Variants in PRKN observed in about 807,000 individuals in gnomAD.
The protein encoded by PRKN is E3 ubiquitin-protein ligase parkin.
A neutral mutation model predicts 59.5 loss-of-function variants in PRKN; 56 were observed. The ratio of observed to expected loss-of-function variants is 0.94; its 90% CI spans 0.76 to 1.18. The LOEUF is 1.18. PRKN is among the 50% of genes most tolerant of loss of function. The probability of loss-of-function intolerance (pLI) is 0.00; values close to 1 mark genes in which losing one functional copy is unlikely to be tolerated. For synonymous variants in PRKN, 250 were observed against 222.1 expected (o/e 1.13, Z -1.12); for missense variants, 657 against 596.4 (o/e 1.10, Z -1.06).
At chr6:161,793,656 A>T (rs560928536) in intron 6 of PRKN, among the ~76,000 whole-genome samples, 92 of 152,164 alleles carry the variant, frequency 6.0e-4, no homozygotes, top group African/African-American at 2.2e-3. Flanking sequence ...AAGCACTACC[A>T]TAAGGATGAA....
rs1203347929 is a variant in PRKN at position 161,872,516 on chromosome 6, C to T, written c.735-86608G>A. 3.9e-5 allele frequency among the ~76,000 whole-genome samples: 6 copies of T among 152,288 alleles called. No individual in the cohort carries two copies. The East Asian group carries it at 1.2e-3, about 29-fold the overall frequency. ...ACCTCATAGCCAGCATCAGGCGCTC[C>T]TGTCCTCAACTCCATGTGGGCCCTG... On this transcript the variant is annotated intron_variant, in intron 6 of 11. Coordinates refer to ENST00000366898, the MANE Select transcript of PRKN (RefSeq NM_004562.3).
intron 7 of PRKN, among the ~76,000 whole-genome samples, chr6:161,677,071 T>C (rs925332672): frequency 6.6e-6 from 1 of 152,176 alleles, no homozygotes; most frequent in African/African-American, 2.4e-5. Flanking sequence ...ACATCAATTC[T>C]TGTGATTTTC....
At chr6:162,346,644 GA>G (rs1426489364) in intron 2 of PRKN, among the ~76,000 whole-genome samples, 5 of 150,154 alleles carry the variant, frequency 3.3e-5, no homozygotes, top group Admixed American at 1.3e-4. Context: ...CCAAAAACAA[GA>G]AAAAAAAAGT....
At chr6:162,069,254 G>T (rs900268948) in intron 4 of PRKN, among the ~76,000 whole-genome samples, 23 of 152,056 alleles carry the variant, frequency 1.5e-4, no homozygotes, top group Admixed American at 5.9e-4. Context: ...TGTATCAGGG[G>T]TTTCCACTTT....
chr6:162,281,502 T>C (rs9365397), intron 2 of PRKN, among the ~76,000 whole-genome samples: 3,456 of 152,258 alleles, frequency 0.023, 55 homozygotes, highest in East Asian at 0.057. Flanking sequence ...CTATCTGTCA[T>C]GAATTCAGCT....
intron 1 of PRKN, among the ~76,000 whole-genome samples, chr6:162,487,975 T>G (rs918519767): frequency 5.3e-5 from 8 of 151,664 alleles, no homozygotes; most frequent in Admixed American, 3.3e-4. Flanking sequence ...AAGAAGAGTT[T>G]TGCCTAGACA....
chr6:162,024,468 A>T (rs1357161181), intron 5 of PRKN, among the ~76,000 whole-genome samples: 4 of 152,202 alleles, frequency 2.6e-5, no homozygotes, highest in African/African-American at 4.8e-5. Flanking sequence ...AAGTGCTGGG[A>T]TTATAGGCGT....
intron 6 of PRKN, among the ~76,000 whole-genome samples, chr6:161,820,293 C>T (rs570372194): frequency 2.0e-5 from 3 of 151,900 alleles, no homozygotes; most frequent in Non-Finnish European, 4.4e-5. Flanking sequence ...CTCTGAAAAA[C>T]AAACTGGTAA....
chr6:161,566,349 T>C lies in PRKN; in HGVS notation c.933+3006A>G, dbSNP rs1278700879. Among the ~76,000 whole-genome samples the C allele has an allele frequency of 2.0e-5, 3 of 152,180 alleles. No individual in the cohort carries two copies. In the East Asian group the frequency reaches 5.8e-4, roughly 29 times the overall value. ...AGATCATGATTCCTCCTCCTAAAGA[T>C]GCCTTCTTCCTTTGGCTCCCAGGTC... On this transcript the variant is annotated intron_variant, in intron 8 of 11. Coordinates refer to ENST00000366898, the MANE Select transcript of PRKN (RefSeq NM_004562.3). The surrounding 1 kb of genome is among the most constrained non-coding windows in gnomAD (Gnocchi z 4.1).
intron 7 of PRKN, among the ~76,000 whole-genome samples, chr6:161,580,495 T>G (rs1781294367): frequency 6.6e-6 from 1 of 152,142 alleles, no homozygotes; most frequent in Non-Finnish European, 1.5e-5. Context: ...GTTTGTTTTT[T>G]GACACGGAGT....
Position 161,407,164 on chromosome 6 carries a change from TAC to T in PRKN, c.1084-20289_1084-20288del, listed in dbSNP as rs888335226. Reference sequence around the variant, plus strand: ...TTATAAATATGGTTTCACAATTTTTTACAGAGTCATAATCTACATGGAAAACA... The same window carrying T: ...TTATAAATATGGTTTCACAATTTTTTAGAGTCATAATCTACATGGAAAACA... On this transcript the variant is annotated intron_variant, in intron 9 of 11. Transcript: ENST00000366898. This position sits in a 1 kb window ranked among gnomAD's most constrained non-coding sequence, Gnocchi z 4.9. 6.6e-6 allele frequency among the ~76,000 whole-genome samples: 1 copy of T among 152,316 alleles called. No individual in the cohort carries two copies. The highest frequency in any genetic ancestry group is 1.9e-4 in the East Asian group (1 of 5,192).
chr6:162,646,162 A>G (rs972088110), intron 1 of PRKN, among the ~76,000 whole-genome samples: 50 of 152,118 alleles, frequency 3.3e-4, no homozygotes, highest in Admixed American at 1.3e-3. Flanking sequence ...GTGAGCCACC[A>G]CACCCGGCCT....
At chr6:161,935,972 G>C (rs1779341832) in intron 6 of PRKN, among the ~76,000 whole-genome samples, 1 of 152,178 alleles carries the variant, frequency 6.6e-6, no homozygotes, top group African/African-American at 2.4e-5. Flanking sequence ...CTTTCCTCTT[G>C]AGGGGTAACA....
intron 3 of PRKN, among the ~76,000 whole-genome samples, chr6:162,227,622 A>C (rs1273122640): frequency 6.6e-6 from 1 of 152,194 alleles, no homozygotes; most frequent in Admixed American, 6.5e-5. Context: ...ACCTGAAGGT[A>C]CAAAGCTGAG....
intron 6 of PRKN, among the ~76,000 whole-genome samples, chr6:161,840,414 A>G (rs1765336296): frequency 1.3e-5 from 2 of 152,258 alleles, no homozygotes; most frequent in African/African-American, 4.8e-5. Context: ...AGATTGCCAC[A>G]TCACAGGAGA....
chr6:162,135,147 G>T (rs564154209), intron 4 of PRKN, among the ~76,000 whole-genome samples: 1 of 151,910 alleles, frequency 6.6e-6, no homozygotes, highest in South Asian at 2.1e-4. Context: ...GTTGTTGTTT[G>T]GCTTTTACAG....
intron 7 of PRKN, among the ~76,000 whole-genome samples, chr6:161,666,267 T>C (rs1784721907): frequency 6.6e-6 from 1 of 152,172 alleles, no homozygotes; most frequent in East Asian, 1.9e-4. Context: ...GCGAGAATTA[T>C]CACCCGAGCT....
intron 7 of PRKN, among the ~76,000 whole-genome samples, chr6:161,607,403 T>G (rs1782321650): frequency 6.6e-6 from 1 of 151,686 alleles, no homozygotes; most frequent in South Asian, 2.1e-4. Context: ...AGAAAACAAT[T>G]TAGGGAAGAG....
chr6:162,021,461 A>ATATTT (rs59250759), intron 5 of PRKN, among the ~76,000 whole-genome samples: 5 of 24,646 alleles, frequency 2.0e-4, no homozygotes, highest in Admixed American at 6.8e-4. Flanking sequence ...ATATATATAT[A>ATATTT]TTTTTTTTTT....
Sources: gnomAD v4.1 joint callset for allele counts (sites outside exome capture counted in the v4.1 genomes callset) on GRCh38, gnomAD v4.1.1 for gene constraint, Gnocchi (gnomAD v3.1) non-coding constraint, MANE v1.5 for transcripts, NCBI Gene and HGNC (gene_info 2026-07-23, HGNC 2026-07-21) for gene names.